EML1: variants seen among roughly 807,000 people sequenced by gnomAD.
EML1 encodes echinoderm microtubule-associated protein-like 1.
In EML1, 27 loss-of-function variants were observed where a neutral mutation model predicts 110.4. The ratio of observed to expected loss-of-function variants is 0.24; its 90% CI spans 0.18 to 0.34. EML1 has a LOEUF of 0.34. Ranked by LOEUF, EML1 falls within the 10% of genes least tolerant of loss-of-function variation. The pLI is 1.00. For synonymous variants in EML1, 344 were observed against 385.8 expected (o/e 0.89, Z 1.27); for missense variants, 741 against 1,030.9 (o/e 0.72, Z 3.85).
intron 20 of EML1, 131 bp downstream of exon 20, chr14:99,938,043 A>G: frequency 1.1e-6 from 1 of 873,814 alleles, no homozygotes; most frequent in Non-Finnish European, 1.8e-6. Flanking sequence ...GGCCCATGAG[A>G]CACACCTCCT....
intron 13 of EML1, among the ~76,000 whole-genome samples, chr14:99,911,785 C>G (rs1417813207): frequency 6.6e-6 from 1 of 152,062 alleles, no homozygotes; most frequent in Non-Finnish European, 1.5e-5. Flanking sequence ...GGTTGTAACA[C>G]ACTTCATATT....
chr14:99,914,492 T>C (rs2060000475), intron 14 of EML1, 74 bp from the exon 15 acceptor site: 20 of 1,539,490 alleles, frequency 1.3e-5, no homozygotes, highest in Admixed American at 4.4e-5. Flanking sequence ...AAGCCTCGGT[T>C]CGTCATCCCT....
chr14:99,767,146 G>A (rs1193599132), intron 1 of EML1, among the ~76,000 whole-genome samples: 1 of 152,234 alleles, frequency 6.6e-6, no homozygotes, highest in African/African-American at 2.4e-5. Context: ...CTGCTAAAAA[G>A]TGGGCTACAA....
intron 4 of EML1, among the ~76,000 whole-genome samples, chr14:99,880,474 T>C (rs900103898): frequency 2.0e-5 from 3 of 152,062 alleles, no homozygotes; most frequent in African/African-American, 7.2e-5. Flanking sequence ...ATCTGGAGTC[T>C]TGCTGAGAAA....
intron 1 of EML1, among the ~76,000 whole-genome samples, chr14:99,746,887 G>A (rs566689298): frequency 3.9e-5 from 6 of 152,278 alleles, no homozygotes; most frequent in African/African-American, 7.2e-5. Context: ...CCAAGTGGCC[G>A]GGTGCTCTGG....
upstream of EML1, among the ~76,000 whole-genome samples, chr14:99,769,890 T>C (rs1348765016): frequency 6.6e-6 from 1 of 152,204 alleles, no homozygotes; most frequent in Non-Finnish European, 1.5e-5. Context: ...TGGGTTCTGC[T>C]GAGCTTGGTC....
At chr14:99,783,993 G>A (rs2057572107) in intron 1 of EML1, among the ~76,000 whole-genome samples, 2 of 152,246 alleles carry the variant, frequency 1.3e-5, no homozygotes, top group African/African-American at 4.8e-5. Flanking sequence ...GAGATGCTAC[G>A]GTTGGAAATT....
chr14:99,763,912 T>A (rs2057340982), intron 1 of EML1, among the ~76,000 whole-genome samples: 2 of 152,014 alleles, frequency 1.3e-5, no homozygotes, highest in African/African-American at 4.8e-5. Flanking sequence ...TGCAGGAAAT[T>A]TGTGTTCTGA....
chr14:99,851,355 T>C (rs2058795793), intron 2 of EML1, among the ~76,000 whole-genome samples: 1 of 151,962 alleles, frequency 6.6e-6, no homozygotes, highest in Non-Finnish European at 1.5e-5. Context: ...TCGCCCAGGC[T>C]AGAGTGCAGT....
chr14:99,799,905 A>G (rs756078612), intron 1 of EML1, among the ~76,000 whole-genome samples: 2 of 152,224 alleles, frequency 1.3e-5, no homozygotes, highest in Non-Finnish European at 2.9e-5. Flanking sequence ...ACGGAACATG[A>G]AAGCATTGCT....
At chr14:99,774,841 G>A (rs2057464823) in intron 1 of EML1, among the ~76,000 whole-genome samples, 1 of 152,176 alleles carries the variant, frequency 6.6e-6, no homozygotes, top group Admixed American at 6.5e-5. Context: ...TCTTGAATGA[G>A]AATGAAAGTT....
At chr14:99,817,620 CAG>C (rs961477487) in intron 1 of EML1, among the ~76,000 whole-genome samples, 3 of 152,168 alleles carry the variant, frequency 2.0e-5, no homozygotes, top group Non-Finnish European at 2.9e-5. Flanking sequence ...CTCAGGGACT[CAG>C]GGGTCTGTGG....
At chr14:99,852,200 G>C in intron 2 of EML1, among the ~76,000 whole-genome samples, 1 of 152,306 alleles carries the variant, frequency 6.6e-6, no homozygotes, top group Non-Finnish European at 1.5e-5. Context: ...CAAATGGCTC[G>C]TCTTTAGCCA....
intron 17 of EML1, among the ~76,000 whole-genome samples, chr14:99,935,029 G>A (rs1446660634): frequency 2.6e-5 from 4 of 152,240 alleles, no homozygotes; most frequent in Admixed American, 2.6e-4. Flanking sequence ...AGAGCAGTGA[G>A]TGCAGAGGCC....
chr14:99,749,956 G>A (rs957392865), intron 1 of EML1, among the ~76,000 whole-genome samples: 5 of 152,342 alleles, frequency 3.3e-5, no homozygotes, highest in South Asian at 2.1e-4. Context: ...TGCTGTGACC[G>A]GCTTTGCCAA....
chr14:99,760,930 C>A (rs1022079552), intron 1 of EML1, among the ~76,000 whole-genome samples: 1 of 152,134 alleles, frequency 6.6e-6, no homozygotes, highest in Non-Finnish European at 1.5e-5. Context: ...ACCACAGAGA[C>A]AACCAAGGCC....
chr14:99,850,238 G>A (rs1195734726), intron 1 of EML1: 1 of 1,252,648 alleles, frequency 8.0e-7, no homozygotes, highest in African/African-American at 1.5e-5. Context: ...CACAGTAAGT[G>A]AAGGGAAGAA....
At chr14:99,928,686 T>G (rs2060312414) in intron 17 of EML1, among the ~76,000 whole-genome samples, 1 of 151,260 alleles carries the variant, frequency 6.6e-6, no homozygotes, top group African/African-American at 2.4e-5. Flanking sequence ...GATCTTCTAT[T>G]TTATAACCTT....
At chr14:99,767,993 G>A (rs1390539881), upstream of EML1, among the ~76,000 whole-genome samples, 2 of 152,202 alleles carry the variant, frequency 1.3e-5, no homozygotes, top group Admixed American at 1.3e-4. Flanking sequence ...TTCAGATCCA[G>A]TAAATGCTTG....
Sources: allele counts gnomAD v4.1 joint callset (sites outside exome capture counted in the v4.1 genomes callset), GRCh38; gene constraint gnomAD v4.1.1; transcripts MANE v1.5; gene names NCBI Gene and HGNC (gene_info 2026-07-23, HGNC 2026-07-21).